Variants in TRPV1 observed in about 807,000 individuals in gnomAD.
TRPV1 encodes transient receptor potential cation channel subfamily V member 1.
Under a neutral mutation model 82.3 loss-of-function variants are expected in TRPV1, and 82 were observed. The observed-to-expected ratio is 1.00, with a 90% confidence interval of 0.83 to 1.20. The LOEUF (loss-of-function observed/expected upper bound fraction) is 1.20, where lower values mean the gene tolerates loss of function less well. TRPV1 is among the 50% of genes most tolerant of loss of function. The pLI is 0.00. For missense variants in TRPV1, 1,067 were observed against 1,096.8 expected (o/e 0.97, Z 0.38); for synonymous variants, 515 against 467.7 (o/e 1.10, Z -1.30).
chr17:3,607,709 G>A (rs1176625360), intron 2 of TRPV1, among the ~76,000 whole-genome samples: 1 of 151,542 alleles, frequency 6.6e-6, no homozygotes, highest in East Asian at 2.0e-4. Context: ...GCTAACTTTT[G>A]TATTTCTAGT....
At chr17:3,576,668 A>AAATATATATAT in intron 13 of TRPV1, among the ~76,000 whole-genome samples, 3 of 38,416 alleles carry the variant, frequency 7.8e-5, no homozygotes, top group Non-Finnish European at 1.1e-4. Flanking sequence ...AAAAAAAAAA[A>AAATATATATAT]ATATATATAT....
chr17:3,587,184 C>T (rs1308196358), intron 8 of TRPV1, among the ~76,000 whole-genome samples: 4 of 152,218 alleles, frequency 2.6e-5, no homozygotes, highest in Non-Finnish European at 5.9e-5. Context: ...CTGGACCTCT[C>T]CTCTGGGAAC....
intron 2 of TRPV1, among the ~76,000 whole-genome samples, chr17:3,593,626 T>C (rs2075189026): frequency 6.6e-6 from 1 of 152,164 alleles, no homozygotes; most frequent in South Asian, 2.1e-4. Context: ...GATCCAGCAC[T>C]GATGCCGCCT....
chr17:3,588,278 C>T lies in TRPV1; in HGVS notation c.1134G>A (p.Val378=). The change falls in exon 8 of 17, where the codon GTG becomes GTA. Residue 378 remains valine (V), a synonymous_variant. Coordinates refer to ENST00000572705, the MANE Select transcript of TRPV1 (RefSeq NM_080704.4). ...RKFTEWAYGP[V]HSSLYDLSCI... ...AGGACAGGTCGTACAGCGAGGAGTG[C>T]ACGGGCCCGTAGGCCCACTCGGTGA... is the stretch of plus-strand genomic sequence containing the variant. 6.3e-7 allele frequency: 1 copy of T among 1,579,940 alleles called. No homozygotes were observed. Among genetic ancestry groups the T allele is most frequent in the Admixed American group, 1.8e-5 (1 of 54,944 alleles).
chr17:3,588,240 C>T lies in TRPV1; in HGVS notation c.1172G>A (p.Cys391Tyr). Residue 391 changes from cysteine (C) to tyrosine (Y), a missense_variant, in exon 8 of 17, where the codon TGC (cysteine) becomes TAC (tyrosine). By Grantham distance (194) the Cys-to-Tyr change is radical (BLOSUM62 -2). Transcript: ENST00000572705. The part of the protein sequence containing the change: ...SLYDLSCIDT[C>Y]EKNSVLEVIA... ...CACCTCCAGCACCGAGTTCTTCTCG[C>T]AGGTGTCGATGCAGGACAGGTCGTA... is the stretch of plus-strand genomic sequence containing the variant. 1 of 1,580,464 alleles carries T rather than the reference C, an allele frequency of 6.3e-7. No individual in the cohort carries two copies.
At chr17:3,606,315 C>T (rs2075295915) in intron 2 of TRPV1, among the ~76,000 whole-genome samples, 1 of 152,210 alleles carries the variant, frequency 6.6e-6, no homozygotes, top group South Asian at 2.1e-4. Context: ...GAGAACTCTA[C>T]ACCACACTGT....
intron 16 of TRPV1, among the ~76,000 whole-genome samples, chr17:3,568,215 G>A (rs956959482): frequency 7.3e-5 from 11 of 151,524 alleles, no homozygotes; most frequent in East Asian, 3.9e-4. Flanking sequence ...CCAGCTACTC[G>A]GGAGGCTGAA....
At chr17:3,601,605 C>CTT (rs541864141) in intron 2 of TRPV1, among the ~76,000 whole-genome samples, 5 of 148,302 alleles carry the variant, frequency 3.4e-5, no homozygotes, top group Admixed American at 1.4e-4. Context: ...CATTTCTCAC[C>CTT]TTTTTTTTTT....
At chr17:3,599,958 G>A (rs368316679) in intron 2 of TRPV1, among the ~76,000 whole-genome samples, 1 of 152,180 alleles carries the variant, frequency 6.6e-6, no homozygotes, top group Non-Finnish European at 1.5e-5. Context: ...CCACTGGGGC[G>A]TGGGATGGAT....
At chr17:3,604,390 G>A (rs1158092589) in intron 2 of TRPV1, among the ~76,000 whole-genome samples, 1 of 152,124 alleles carries the variant, frequency 6.6e-6, no homozygotes, top group Non-Finnish European at 1.5e-5. Context: ...CTGAGGTCAG[G>A]AGTTTGAGAC....
At chr17:3,577,505 G>C (rs1036855343) in intron 12 of TRPV1, 93 bp downstream of exon 12, 1 of 1,437,334 alleles carries the variant, frequency 7.0e-7, no homozygotes, top group South Asian at 1.3e-5. Context: ...TCCCAGGCAC[G>C]ACAGAGAGGA....
In TRPV1 at chr17:3,577,621, T is replaced by C. The variant is rs1367860480; in HGVS notation, c.1690A>G (p.Ile564Val). 4 of 1,582,444 alleles carry C rather than the reference T, an allele frequency of 2.5e-6. No homozygotes were observed. The highest frequency in any genetic ancestry group is 3.4e-6 in the Non-Finnish European group (4 of 1,164,502). ...ACCTTCTCTATCATGACGGCATAGATGCCCATCTGCTGGAAACCGCGGGTG... is the reference window on the plus strand; with the variant it reads ...ACCTTCTCTATCATGACGGCATAGACGCCCATCTGCTGGAAACCGCGGGTG... ...YYTRGFQQMG[I>V]YAVMIEKMIL... The change falls in exon 12 of 17, where the codon ATC becomes GTC. Residue 564 changes from isoleucine to valine, a missense_variant. Coordinates refer to ENST00000572705, the MANE Select transcript of TRPV1 (RefSeq NM_080704.4).
At position 3,583,407 on chromosome 17, in the gene TRPV1, A is replaced by C. The variant is rs773931309; in HGVS notation, c.1407T>G (p.Thr469=). The C allele has an allele frequency of 4.4e-6, 7 of 1,608,264 alleles. No individual in the cohort carries two copies. The South Asian group carries it at 7.8e-5, about 18-fold the overall frequency. The change falls in exon 10 of 17, where the codon ACT becomes ACG. Residue 469 remains threonine, a synonymous_variant. Transcript: ENST00000572705. The part of the protein sequence containing the change: ...DGLPPFKMEK[T]GDYFRVTGEI... The stretch of plus-strand genomic sequence containing the variant: ...CTCCAGTAACTCGGAAATAGTCTCC[A>C]GTTTTTTCCATCTTAAAGGGAGGCT...
intron 16 of TRPV1, among the ~76,000 whole-genome samples, chr17:3,568,178 C>T (rs989492135): frequency 6.6e-5 from 10 of 151,890 alleles, no homozygotes; most frequent in Non-Finnish European, 8.8e-5. Flanking sequence ...AAAAATTAGC[C>T]GGGCGTAGTG....
In TRPV1 at chr17:3,591,067, G is replaced by T. The variant is rs222748; in HGVS notation, c.501C>A (p.His167Gln). The T allele has an allele frequency of 1.1e-5, 17 of 1,612,800 alleles. No individual in the cohort carries two copies. The African/African-American group carries it at 2.3e-4, about 22-fold the overall frequency. The change falls in exon 5 of 17, where the codon CAC becomes CAA. Residue 167 changes from histidine (H) to glutamine (Q), a missense_variant. Physicochemically the swap from His to Gln is conservative, Grantham distance 24. Transcript: ENST00000572705. ...TCLLKAMLNL[H>Q]DGQNTTIPLL... ...GGGGGATGGTGGTGTTCTGTCCGTCGTGCAGGTTGAGCATGGCTTTCAGCA... is the reference window on the plus strand; with the variant it reads ...GGGGGATGGTGGTGTTCTGTCCGTCTTGCAGGTTGAGCATGGCTTTCAGCA...
intron 2 of TRPV1, among the ~76,000 whole-genome samples, chr17:3,605,843 G>T (rs767578512): frequency 6.6e-6 from 1 of 152,194 alleles, no homozygotes; most frequent in Non-Finnish European, 1.5e-5. Context: ...GTGGCTGCCT[G>T]GGTCTGTGCT....
intron 10 of TRPV1, 93 bp from the exon 11 acceptor site, chr17:3,580,620 G>T: frequency 1.5e-6 from 2 of 1,341,954 alleles, no homozygotes; most frequent in South Asian, 1.2e-5. Flanking sequence ...ACCATGATGG[G>T]GTGGTCGAAT....
At chr17:3,574,689 C>T (rs537661631) in intron 13 of TRPV1, among the ~76,000 whole-genome samples, 7 of 152,208 alleles carry the variant, frequency 4.6e-5, no homozygotes, top group Non-Finnish European at 1.0e-4. Context: ...TGGCTCACGC[C>T]TGTAATCCCA....
chr17:3,591,477 A>C, intron 3 of TRPV1, 124 bp from the exon 4 acceptor site: 5 of 1,127,536 alleles, frequency 4.4e-6, no homozygotes, highest in South Asian at 1.6e-5. Flanking sequence ...AATGATATAA[A>C]AGCTGCCCCT....
Sources: allele counts gnomAD v4.1 joint callset (sites outside exome capture counted in the v4.1 genomes callset), GRCh38; gene constraint gnomAD v4.1.1; transcripts MANE v1.5; gene names NCBI Gene and HGNC (gene_info 2026-07-23, HGNC 2026-07-21).